Variants in EPB41L5 observed in about 807,000 individuals in gnomAD.
EPB41L5 encodes band 4.1-like protein 5.
In EPB41L5, 55 loss-of-function variants were observed where a neutral mutation model predicts 106.6. The observed-to-expected ratio is 0.52, with a 90% confidence interval of 0.42 to 0.65. The LOEUF is 0.65. Among genes scored for constraint, EPB41L5 ranks in the 30% least tolerant of loss-of-function variants. EPB41L5 has a pLI of 0.00. For missense variants in EPB41L5, 871 were observed against 882.1 expected, an observed-to-expected ratio of 0.99 and a Z score of 0.16; for synonymous variants, 297 against 306.7, an observed-to-expected ratio of 0.97 and a Z score of 0.33.
At position 120,174,984 on chromosome 2, in the gene EPB41L5, G is replaced by A; in HGVS notation, c.*77G>A. 7.3e-7 allele frequency: 1 copy of A among 1,368,520 alleles called. No homozygotes were observed. Among genetic ancestry groups the A allele is most frequent in the Non-Finnish European group, 1.0e-6 (1 of 957,232 alleles). The allele number at this position is 1,368,520 out of a possible 1,614,324, so 84.8% of individuals were successfully genotyped here. The stretch of plus-strand genomic sequence containing the variant: ...TTCAGCTAGAATATGTTGGATTCAG[G>A]AGCTTGTCCATTATTTGTAGGTAAA... On this transcript the variant is annotated 3_prime_UTR_variant, in exon 25 of 25. Coordinates refer to ENST00000263713, the MANE Select transcript of EPB41L5 (RefSeq NM_020909.4).
chr2:120,051,168 ACT>A (rs1241183672), intron 3 of EPB41L5, among the ~76,000 whole-genome samples: 1 of 151,898 alleles, frequency 6.6e-6, no homozygotes, highest in Admixed American at 6.6e-5. Context: ...GAGAATCACC[ACT>A]CTCTTCAAAG....
chr2:120,048,264 A>G (rs1342808667), intron 3 of EPB41L5, among the ~76,000 whole-genome samples: 1 of 152,174 alleles, frequency 6.6e-6, no homozygotes, highest in African/African-American at 2.4e-5. Context: ...CTCTGGTAGA[A>G]TTCGGCTGTG....
intron 10 of EPB41L5, among the ~76,000 whole-genome samples, chr2:120,084,865 T>G (rs1228062848): frequency 6.6e-6 from 1 of 152,200 alleles, no homozygotes; most frequent in Non-Finnish European, 1.5e-5. Context: ...TCTGACTTCA[T>G]TTCATTCATT....
intron 5 of EPB41L5, 50 bp from the exon 6 acceptor site, chr2:120,075,426 C>A: frequency 7.4e-7 from 1 of 1,345,642 alleles, no homozygotes; most frequent in South Asian, 1.2e-5. Flanking sequence ...GATTTTTTTT[C>A]ACAGTCGATT....
At chr2:120,161,734 C>A (rs546149332) in intron 21 of EPB41L5, among the ~76,000 whole-genome samples, 13 of 152,276 alleles carry the variant, frequency 8.5e-5, no homozygotes, top group African/African-American at 3.1e-4. Context: ...TGCAGACAAC[C>A]ATTGTCGCCT....
intron 22 of EPB41L5, among the ~76,000 whole-genome samples, chr2:120,165,967 C>CAAAAAAA (rs536664071): frequency 2.5e-4 from 7 of 27,984 alleles, no homozygotes; most frequent in African/African-American, 5.8e-4. Flanking sequence ...GACTCCGTCT[C>CAAAAAAA]AAAAAAAAAA....
At chr2:120,075,360 A>G (rs2105323736) in intron 5 of EPB41L5, 116 bp from the exon 6 acceptor site, 2 of 761,164 alleles carry the variant, frequency 2.6e-6, no homozygotes, top group South Asian at 3.3e-5. Flanking sequence ...CACATCTTTT[A>G]TACATTAATA....
intron 19 of EPB41L5, among the ~76,000 whole-genome samples, chr2:120,144,661 A>T (rs893893422): frequency 3.3e-5 from 5 of 152,228 alleles, no homozygotes; most frequent in African/African-American, 1.2e-4. Flanking sequence ...AGAGGAAGGA[A>T]CACTTCCCAA....
intron 11 of EPB41L5, among the ~76,000 whole-genome samples, chr2:120,088,158 A>AT (rs912376559): frequency 4.6e-5 from 7 of 150,684 alleles, no homozygotes; most frequent in African/African-American, 9.7e-5. Context: ...AACGATGAAA[A>AT]TTTTTTTTTT....
chr2:120,115,680 A>G (rs1684916920), intron 16 of EPB41L5, among the ~76,000 whole-genome samples: 1 of 151,620 alleles, frequency 6.6e-6, no homozygotes, highest in East Asian at 2.0e-4. Context: ...ATGAGCCACC[A>G]TGCCTGGCCC....
At chr2:120,073,077 C>A (rs146728475) in intron 3 of EPB41L5, 101 bp from the exon 4 acceptor site, 7 of 977,670 alleles carry the variant, frequency 7.2e-6, no homozygotes, top group African/African-American at 1.7e-5. Flanking sequence ...TATTTCCTTG[C>A]GGTTATCAGT....
intron 3 of EPB41L5, among the ~76,000 whole-genome samples, chr2:120,043,534 G>A (rs941614872): frequency 3.3e-5 from 5 of 151,056 alleles, no homozygotes; most frequent in Admixed American, 1.3e-4. Context: ...GTGACAGAGC[G>A]AGACCCTGTC....
At chr2:120,031,293 C>T (rs1218497712) in intron 2 of EPB41L5, among the ~76,000 whole-genome samples, 1 of 152,190 alleles carries the variant, frequency 6.6e-6, no homozygotes, top group Admixed American at 6.5e-5. Context: ...TTGCAATTCC[C>T]CTGTCTTGAT....
intron 22 of EPB41L5, among the ~76,000 whole-genome samples, chr2:120,166,258 A>G (rs1687401950): frequency 6.6e-6 from 1 of 152,158 alleles, no homozygotes; most frequent in South Asian, 2.1e-4. Context: ...GGTGGTGCAG[A>G]TGTGGTCTGG....
At chr2:120,014,027 T>A (rs988810522) in intron 1 of EPB41L5, among the ~76,000 whole-genome samples, 4 of 152,218 alleles carry the variant, frequency 2.6e-5, no homozygotes, top group Non-Finnish European at 5.9e-5. Flanking sequence ...GAAAATAGGT[T>A]AACATTATTC....
chr2:120,069,336 C>G (rs963442066), intron 3 of EPB41L5, among the ~76,000 whole-genome samples: 7 of 151,984 alleles, frequency 4.6e-5, no homozygotes, highest in Middle Eastern at 3.4e-3. Flanking sequence ...TCTTAGAGAC[C>G]TACAAAGAGA....
At chr2:120,099,920 G>A (rs1285012977) in intron 14 of EPB41L5, among the ~76,000 whole-genome samples, 1 of 152,148 alleles carries the variant, frequency 6.6e-6, no homozygotes, top group Admixed American at 6.5e-5. Flanking sequence ...GGATTGTGTT[G>A]CTGTCTTTGT....
intron 16 of EPB41L5, among the ~76,000 whole-genome samples, chr2:120,126,570 A>C (rs1685468495): frequency 6.6e-6 from 1 of 152,014 alleles, no homozygotes; most frequent in Non-Finnish European, 1.5e-5. Flanking sequence ...TTTTCTCCTG[A>C]TTTATCTTGT....
chr2:120,082,590 G>C (rs1682752547), intron 10 of EPB41L5, among the ~76,000 whole-genome samples: 1 of 152,068 alleles, frequency 6.6e-6, no homozygotes, highest in African/African-American at 2.4e-5. Context: ...GTCTCTGCCA[G>C]GCTTTGGTAT....
Sources: gnomAD v4.1 joint callset for allele counts (sites outside exome capture counted in the v4.1 genomes callset) on GRCh38, gnomAD v4.1.1 for gene constraint, MANE v1.5 for transcripts, NCBI Gene and HGNC (gene_info 2026-07-23, HGNC 2026-07-21) for gene names.